TMPRSS11F: variants seen among roughly 807,000 people sequenced by gnomAD.
The protein encoded by TMPRSS11F is transmembrane protease serine 11F.
Under a neutral mutation model 60.2 loss-of-function variants are expected in TMPRSS11F, and 47 were observed. The observed-to-expected ratio is 0.78, with a 90% confidence interval of 0.62 to 1.00. TMPRSS11F has a LOEUF of 1.00. TMPRSS11F is among the 50% of genes least tolerant of loss of function. The pLI is 0.00. For synonymous variants in TMPRSS11F, 166 were observed against 167.3 expected, an observed-to-expected ratio of 0.99 and a Z score of 0.06; for missense variants, 519 against 522.9, an observed-to-expected ratio of 0.99 and a Z score of 0.07.
intron 1 of TMPRSS11F, among the ~76,000 whole-genome samples, chr4:68,129,121 T>C (rs752221905): frequency 3.3e-5 from 5 of 152,134 alleles, no homozygotes; most frequent in Non-Finnish European, 7.4e-5. Context: ...AATGAAATCA[T>C]CCATCAAATA....
Position 68,072,974 on chromosome 4 carries a change from C to T in TMPRSS11F, c.351-488G>A, listed in dbSNP as rs148103532. On this transcript the variant is annotated intron_variant, in intron 4 of 9. Transcript: ENST00000356291. ...ATTTCCTGGGCTTTCCTGAGGTTTACTGAAACTTTCTAATGAATCTGGCCA... is the reference window on the plus strand; with the variant it reads ...ATTTCCTGGGCTTTCCTGAGGTTTATTGAAACTTTCTAATGAATCTGGCCA... Among the ~76,000 whole-genome samples, 255 of 152,234 alleles carry T rather than the reference C, an allele frequency of 1.7e-3. 2 individuals carry two copies. The highest frequency in any genetic ancestry group is 6.0e-3 in the African/African-American group (249 of 41,544).
intron 1 of TMPRSS11F, among the ~76,000 whole-genome samples, chr4:68,113,175 C>T (rs1321583791): frequency 6.6e-6 from 1 of 152,082 alleles, no homozygotes; most frequent in Non-Finnish European, 1.5e-5. Flanking sequence ...TTAAATCACA[C>T]CATAAAGGGT....
chr4:68,072,947 C>A (rs2109846720), intron 4 of TMPRSS11F, among the ~76,000 whole-genome samples: 1 of 152,276 alleles, frequency 6.6e-6, no homozygotes, highest in Middle Eastern at 3.4e-3. Context: ...GAGGTAGATT[C>A]CATTTCCTGG....
intron 9 of TMPRSS11F, 111 bp downstream of exon 9, chr4:68,059,215 C>T (rs552810191): frequency 9.4e-7 from 1 of 1,063,450 alleles, no homozygotes; most frequent in Admixed American, 2.6e-5. Flanking sequence ...AAAGTCAGTT[C>T]TCGGTGTAAG....
intron 5 of TMPRSS11F, among the ~76,000 whole-genome samples, chr4:68,071,049 C>T (rs751834432): frequency 3.3e-5 from 5 of 152,154 alleles, no homozygotes; most frequent in Middle Eastern, 3.2e-3. Flanking sequence ...AGAAACTCTA[C>T]AGCTGTAACA....
chr4:68,080,219 A>C (rs1355187560), intron 3 of TMPRSS11F: 1 of 152,238 alleles, frequency 6.6e-6, no homozygotes, highest in Non-Finnish European at 1.5e-5. Flanking sequence ...AAACAAAGCA[A>C]AGCCAGGATC....
At chr4:68,096,373 T>G (rs914293133) in intron 2 of TMPRSS11F, among the ~76,000 whole-genome samples, 1 of 152,188 alleles carries the variant, frequency 6.6e-6, no homozygotes, top group Non-Finnish European at 1.5e-5. Flanking sequence ...AATAGAGGCA[T>G]GAATTCTATC....
intron 1 of TMPRSS11F, among the ~76,000 whole-genome samples, chr4:68,105,164 G>A (rs1724280976): frequency 1.4e-5 from 2 of 139,356 alleles, no homozygotes; most frequent in Non-Finnish European, 3.0e-5. Flanking sequence ...GCTTTTCTTT[G>A]TTGGAAATTA....
At chr4:68,123,350 A>C (rs1019555485) in intron 1 of TMPRSS11F, among the ~76,000 whole-genome samples, 1 of 152,200 alleles carries the variant, frequency 6.6e-6, no homozygotes, top group African/African-American at 2.4e-5. Context: ...CAAGAAATCT[A>C]AGTCTATGTC....
chr4:68,064,670 G>T lies in TMPRSS11F; in HGVS notation c.1015+15C>A. 6.2e-7 allele frequency: 1 copy of T among 1,610,574 alleles called. No individual in the cohort carries two copies. Among genetic ancestry groups the T allele is most frequent in the Non-Finnish European group, 8.5e-7 (1 of 1,178,118 alleles). The stretch of plus-strand genomic sequence containing the variant: ...GACATTCTTGTGCTAAGAAAATTAG[G>T]TTGAAACTGCTCACCATCATCTACA... On this transcript the variant is annotated intron_variant, in intron 8 of 9. Transcript: ENST00000356291.
chr4:68,120,701 T>C (rs1560412968), intron 1 of TMPRSS11F, among the ~76,000 whole-genome samples: 3 of 152,084 alleles, frequency 2.0e-5, no homozygotes. Flanking sequence ...AAATCTTTAT[T>C]GAAAGAGTCA....
chr4:68,069,976 G>A lies in TMPRSS11F; in HGVS notation c.546C>T (p.Leu182=), dbSNP rs1723418201. Reference sequence around the variant, plus strand: ...GTGGGTTTTGGAACTTACGACTGTTGAGAAGATTCCTCATCTTTTTGCTGT... The same window carrying A: ...GTGGGTTTTGGAACTTACGACTGTTAAGAAGATTCCTCATCTTTTTGCTGT... The part of the protein sequence containing the change: ...PIDSKKMRNL[L]NSRCGIRMTS... The change falls in exon 6 of 10, where the codon CTC becomes CTT. Residue 182 remains leucine (L), a synonymous_variant. Transcript: ENST00000356291. 1.2e-6 allele frequency: 2 copies of A among 1,604,548 alleles called. No homozygotes were observed. The highest frequency in any genetic ancestry group is 1.7e-6 in the Non-Finnish European group (2 of 1,175,036).
rs777009467 is a variant in TMPRSS11F at position 68,074,007 on chromosome 4, C to T, written c.285G>A (p.Met95Ile). The part of the protein sequence containing the change: ...IERSHQIERM[M>I]SRIFRHSSVG... ...CAGAAGAATGTCGAAATATCCTAGA[C>T]ATCTGATTTTTAAAAAATAAGTATT... is the stretch of plus-strand genomic sequence containing the variant. Residue 95 changes from methionine to isoleucine, a missense_variant and splice_region_variant, in exon 4 of 10, where the codon ATG (methionine) becomes ATA (isoleucine). Met to Ile is a conservative substitution (Grantham distance 10). Transcript: ENST00000356291. 6 of 1,544,848 alleles carry T rather than the reference C, an allele frequency of 3.9e-6. No individual in the cohort carries two copies. The South Asian group carries it at 7.5e-5, about 19-fold the overall frequency.
intron 1 of TMPRSS11F, among the ~76,000 whole-genome samples, chr4:68,102,410 T>G (rs1405428286): frequency 6.6e-6 from 1 of 152,202 alleles, no homozygotes; most frequent in Non-Finnish European, 1.5e-5. Flanking sequence ...TTTTTAAAAA[T>G]GTCTGTACCA....
intron 5 of TMPRSS11F, among the ~76,000 whole-genome samples, chr4:68,070,873 A>C (rs768129901): frequency 1.3e-5 from 2 of 152,222 alleles, no homozygotes; most frequent in Non-Finnish European, 2.9e-5. Flanking sequence ...GGATATGTCT[A>C]TTTAACAAAA....
intron 9 of TMPRSS11F, among the ~76,000 whole-genome samples, chr4:68,056,138 C>T (rs1224429440): frequency 6.6e-6 from 1 of 152,102 alleles, no homozygotes; most frequent in Non-Finnish European, 1.5e-5. Context: ...GATATCTACT[C>T]TGATTTCTTT....
At chr4:68,077,060 C>T (rs1164167122) in intron 3 of TMPRSS11F, among the ~76,000 whole-genome samples, 1 of 152,218 alleles carries the variant, frequency 6.6e-6, no homozygotes, top group Non-Finnish European at 1.5e-5. Context: ...ACCATGTAGA[C>T]TACAAAGGCC....
chr4:68,074,051 G>A, intron 3 of TMPRSS11F, 42 bp from the exon 4 acceptor site: 1 of 1,204,726 alleles, frequency 8.3e-7, no homozygotes. Flanking sequence ...GAACTTAAAA[G>A]TAAAATAAAA....
intron 7 of TMPRSS11F, among the ~76,000 whole-genome samples, chr4:68,068,236 C>A (rs1723370247): frequency 6.6e-6 from 1 of 152,078 alleles, no homozygotes; most frequent in Non-Finnish European, 1.5e-5. Flanking sequence ...GATGGCAATG[C>A]TGACAGTGGA....
Sources: allele counts gnomAD v4.1 joint callset (sites outside exome capture counted in the v4.1 genomes callset), GRCh38; gene constraint gnomAD v4.1.1; transcripts MANE v1.5; gene names NCBI Gene and HGNC (gene_info 2026-07-23, HGNC 2026-07-21).